The following WLS variants were observed in gnomAD, a reference collection of about 807,000 sequenced individuals.
WLS encodes the protein protein wntless homolog.
A neutral mutation model predicts 62.8 loss-of-function variants in WLS; 23 were observed. The observed-to-expected ratio is 0.37, with a 90% CI of 0.26 to 0.52. WLS has a LOEUF of 0.52. Among genes scored for constraint, WLS ranks in the 20% least tolerant of loss-of-function variants. WLS has a pLI of 0.92. For missense variants in WLS, 615 were observed against 697.3 expected (o/e 0.88, Z 1.33); for synonymous variants, 246 against 244.1 (o/e 1.01, Z -0.07).
At position 68,126,268 on chromosome 1, in the gene WLS, G is replaced by A. The variant is rs1646429427; in HGVS notation, c.1584C>T (p.Pro528=). The A allele has an allele frequency of 8.7e-6, 14 of 1,614,112 alleles. No individual in the cohort carries two copies. Among genetic ancestry groups the A allele is most frequent in the Non-Finnish European group, 1.2e-5 (14 of 1,180,026 alleles). ...LTTTITHVDG[P]TEIYKLTRKE... is the part of the protein sequence containing the mutation. ...TGCGGGTCAACTTGTAGATCTCAGT[G>A]GGTCCGTCCACATGGGTGATAGTGG... is the stretch of plus-strand genomic sequence containing the variant. Residue 528 remains proline, a synonymous_variant, in exon 12 of 12, where the codon CCC becomes CCT. Coordinates refer to ENST00000262348, the MANE Select transcript of WLS (RefSeq NM_024911.7).
intron 2 of WLS, among the ~76,000 whole-genome samples, chr1:68,190,974 C>T (rs1648263135): frequency 6.6e-6 from 1 of 151,532 alleles, no homozygotes; most frequent in Non-Finnish European, 1.5e-5. Flanking sequence ...AGGAGAATCT[C>T]TTGATCACGG....
chr1:68,224,815 T>A (rs1650078273), intron 1 of WLS, among the ~76,000 whole-genome samples: 1 of 152,044 alleles, frequency 6.6e-6, no homozygotes, highest in Non-Finnish European at 1.5e-5. Flanking sequence ...TCTATCTGTG[T>A]AGAATCAGTT....
chr1:68,204,891 C>A (rs543244284), intron 1 of WLS, among the ~76,000 whole-genome samples: 1 of 152,166 alleles, frequency 6.6e-6, no homozygotes, highest in South Asian at 2.1e-4. Context: ...AAATTATAAG[C>A]TCCTAAGGGG....
intron 1 of WLS, among the ~76,000 whole-genome samples, chr1:68,208,040 C>T (rs1195438866): frequency 1.3e-5 from 2 of 152,176 alleles, no homozygotes; most frequent in African/African-American, 4.8e-5. Context: ...GCTCCCCTCA[C>T]CTATCAGTGA....
At chr1:68,162,142 A>G in intron 2 of WLS, 1 of 1,497,420 alleles carries the variant, frequency 6.7e-7, no homozygotes, top group Non-Finnish European at 9.3e-7. Context: ...AGGAGTGCAG[A>G]TAAGATTCGG....
intron 2 of WLS, among the ~76,000 whole-genome samples, chr1:68,191,669 G>A (rs1467631751): frequency 6.6e-6 from 1 of 152,166 alleles, no homozygotes; most frequent in Non-Finnish European, 1.5e-5. Flanking sequence ...ATGAATAAAT[G>A]TGTTGCACAA....
chr1:68,117,012 C>G (rs1221116069), intron 11 of WLS, among the ~76,000 whole-genome samples: 3 of 152,172 alleles, frequency 2.0e-5, no homozygotes. Context: ...GAATGATTGT[C>G]AGGCATTCAA....
intron 1 of WLS, among the ~76,000 whole-genome samples, chr1:68,223,778 T>C (rs1650032224): frequency 6.6e-6 from 1 of 152,144 alleles, no homozygotes; most frequent in Admixed American, 6.5e-5. Context: ...TTTTTTGGGA[T>C]CATTGAGGCC....
At chr1:68,176,845 C>G (rs990046743) in intron 2 of WLS, among the ~76,000 whole-genome samples, 7 of 152,202 alleles carry the variant, frequency 4.6e-5, no homozygotes, top group South Asian at 2.1e-4. Context: ...TCACAGAGGA[C>G]AGTAGAGATT....
intron 2 of WLS, among the ~76,000 whole-genome samples, chr1:68,161,112 A>G (rs931664025): frequency 8.5e-5 from 13 of 152,224 alleles, no homozygotes; most frequent in Admixed American, 5.2e-4. Flanking sequence ...GAGTACAAAC[A>G]GCTTGTGAAA....
chr1:68,114,460 C>T (rs28434445), intron 11 of WLS, among the ~76,000 whole-genome samples: 12,792 of 152,116 alleles, frequency 0.084, 692 homozygotes, highest in Middle Eastern at 0.16. Context: ...TGATAGATAC[C>T]TTTTTAAAAC....
chr1:68,209,399 T>C (rs1404908404), intron 1 of WLS, among the ~76,000 whole-genome samples: 1 of 152,232 alleles, frequency 6.6e-6, no homozygotes, highest in Non-Finnish European at 1.5e-5. Context: ...ATTTAGAAAT[T>C]ATAATAATGG....
chr1:68,231,773 G>A (rs765488130), intron 1 of WLS: 6 of 471,886 alleles, frequency 1.3e-5, no homozygotes, highest in South Asian at 9.3e-5. Context: ...CTCTTCTGTT[G>A]TTCCTAATAA....
chr1:68,210,741 G>A lies in WLS; in HGVS notation c.107-16514C>T, dbSNP rs552934693. 2.1e-3 allele frequency among the ~76,000 whole-genome samples: 317 copies of A among 152,238 alleles called. 2 individuals carry two copies. The highest frequency in any genetic ancestry group is 3.5e-3 in the Non-Finnish European group (236 of 68,004). On this transcript the variant is annotated intron_variant, in intron 1 of 11. Coordinates refer to ENST00000262348, the MANE Select transcript of WLS (RefSeq NM_024911.7). The stretch of plus-strand genomic sequence containing the variant: ...GTCCACTGGGCGGAAAGCCCCAGCC[G>A]CTCATCACTACAAGAGGAGAGGTAA...
At chr1:68,229,465 A>G (rs2772280) in intron 1 of WLS, among the ~76,000 whole-genome samples, 25,144 of 151,172 alleles carry the variant, frequency 0.17, 2,575 homozygotes, top group East Asian at 0.39. Context: ...TTAAGTGGCA[A>G]TAACAATGAG....
At chr1:68,229,991 A>G (rs926336362) in intron 1 of WLS, among the ~76,000 whole-genome samples, 6 of 152,170 alleles carry the variant, frequency 3.9e-5, no homozygotes, top group Non-Finnish European at 7.3e-5. Context: ...GGGAAAAACA[A>G]TCTTTGGCAC....
At chr1:68,220,157 A>G (rs1394447517) in intron 1 of WLS, among the ~76,000 whole-genome samples, 2 of 152,234 alleles carry the variant, frequency 1.3e-5, no homozygotes, top group African/African-American at 4.8e-5. Flanking sequence ...TACCGAATAT[A>G]TGAATGACCT....
intron 1 of WLS, chr1:68,231,535 A>ACTCC (rs1256589625): frequency 9.9e-6 from 3 of 304,326 alleles, no homozygotes; most frequent in African/African-American, 6.7e-5. Flanking sequence ...CTGGTCAAGG[A>ACTCC]CTCCCTCCCA....
chr1:68,209,208 G>C (rs961335152), intron 1 of WLS, among the ~76,000 whole-genome samples: 2 of 152,152 alleles, frequency 1.3e-5, no homozygotes, highest in Admixed American at 6.5e-5. Flanking sequence ...GAGCAAAACT[G>C]CTTCTGGTGG....
Sources: gnomAD v4.1 joint callset for allele counts (sites outside exome capture counted in the v4.1 genomes callset) on GRCh38, gnomAD v4.1.1 for gene constraint, MANE v1.5 for transcripts, NCBI Gene and HGNC (gene_info 2026-07-23, HGNC 2026-07-21) for gene names.